Variants in ADGRG4 observed in about 807,000 individuals in gnomAD.
ADGRG4 encodes the protein G protein-coupled receptor 112.
Under a neutral mutation model 126.2 loss-of-function variants are expected in ADGRG4, and 122 were observed. The observed-to-expected ratio is 0.97, with a 90% CI of 0.83 to 1.12. The LOEUF (loss-of-function observed/expected upper bound fraction) is 1.12. Among genes scored for constraint, ADGRG4 ranks in the 50% most tolerant of loss-of-function variants. The pLI is 0.00. For missense variants in ADGRG4, 2,481 were observed against 2,251.8 expected (o/e 1.10, Z -2.06); for synonymous variants, 943 against 838.7 (o/e 1.12, Z -2.15).
intron 22 of ADGRG4, 78 bp from the exon 23 acceptor site, chrX:136,405,614 G>T: frequency 1.3e-6 from 1 of 798,606 alleles, no homozygotes; most frequent in South Asian, 3.3e-5. Context: ...AAATAAAATT[G>T]ACTAGATGAT....
chrX:136,372,155 T>A (rs1195406547), intron 14 of ADGRG4, among the ~76,000 whole-genome samples: 1 of 111,266 alleles, frequency 9.0e-6, no homozygotes, highest in East Asian at 2.8e-4. Context: ...GTTCCCTCAG[T>A]GTTCTTAATG....
intron 24 of ADGRG4, among the ~76,000 whole-genome samples, 171 bp from the exon 25 acceptor site, chrX:136,413,989 C>T (rs924645129): frequency 8.9e-6 from 1 of 111,803 alleles, no homozygotes; most frequent in African/African-American, 3.3e-5. Flanking sequence ...GATCCGCCCG[C>T]CTCGGCCTCC....
intron 19 of ADGRG4, among the ~76,000 whole-genome samples, chrX:136,397,087 C>A (rs1366870562): frequency 9.0e-6 from 1 of 111,416 alleles, no homozygotes; most frequent in African/African-American, 3.3e-5. Context: ...CCCCGCCCGG[C>A]CCCAAATAAT....
rs141825653 is a variant in ADGRG4 at position 136,339,375 on chromosome X, T to C, written c.686-5017T>C. ...GGCAAAAACAATAGTCTTCCCAGAC[T>C]GGGTTATGTTCAACCAGTGTTTTTT... On this transcript the variant is annotated intron_variant, in intron 5 of 25. Coordinates refer to ENST00000394143, the MANE Select transcript of ADGRG4 (RefSeq NM_153834.4). Among the ~76,000 whole-genome samples, 16 of 112,148 alleles carry C rather than the reference T, an allele frequency of 1.4e-4. No individual in the cohort carries two copies. In the East Asian group the frequency reaches 3.7e-3, roughly 26 times the overall value.
At chrX:136,334,803 T>C (rs999479487) in intron 5 of ADGRG4, among the ~76,000 whole-genome samples, 1 of 112,158 alleles carries the variant, frequency 8.9e-6, no homozygotes, top group Non-Finnish European at 1.9e-5. Flanking sequence ...ATTTATAAGT[T>C]CTGGTAGATT....
intron 5 of ADGRG4, among the ~76,000 whole-genome samples, chrX:136,343,035 C>T (rs1412213224): frequency 9.2e-6 from 1 of 108,684 alleles, no homozygotes; most frequent in Non-Finnish European, 1.9e-5. Flanking sequence ...AGTTGGGAGG[C>T]TACTGCAGTA....
chrX:136,360,430 G>A (rs2075121081), intron 11 of ADGRG4, among the ~76,000 whole-genome samples: 2 of 111,184 alleles, frequency 1.8e-5, no homozygotes, highest in Admixed American at 1.9e-4. Flanking sequence ...AGTTTGCCCT[G>A]TCCCTCAGCA....
chrX:136,386,151 G>C (rs1246090199), intron 15 of ADGRG4, among the ~76,000 whole-genome samples: 1 of 112,709 alleles, frequency 8.9e-6, no homozygotes, highest in Admixed American at 9.4e-5. Context: ...TCCAGAAACT[G>C]TCTGCTTTTG....
Position 136,401,874 on chromosome X carries a change from CT to C in ADGRG4, c.8576-1369del, listed in dbSNP as rs778064670. 8.0e-5 allele frequency among the ~76,000 whole-genome samples: 9 copies of C among 112,128 alleles called. No homozygotes were observed. In the East Asian group the frequency reaches 2.5e-3, roughly 32 times the overall value. Reference sequence around the variant, plus strand: ...TGATGAGAAGCTGTCTCCTGACAGCCTCCTGGAGGAGATAGGGAGGTGAGTA... The same window carrying C: ...TGATGAGAAGCTGTCTCCTGACAGCCCCTGGAGGAGATAGGGAGGTGAGTA... On this transcript the variant is annotated intron_variant, in intron 21 of 25. Transcript: ENST00000394143.
intron 15 of ADGRG4, among the ~76,000 whole-genome samples, chrX:136,374,375 A>G (rs1041901345): frequency 5.1e-4 from 57 of 111,206 alleles, no homozygotes; most frequent in African/African-American, 1.8e-3. Context: ...TATGTCTTGG[A>G]TAAATACCTA....
At chrX:136,353,238 T>C in intron 7 of ADGRG4, 99 bp from the exon 8 acceptor site, 1 of 566,258 alleles carries the variant, frequency 1.8e-6, no homozygotes, top group African/African-American at 2.3e-5. Flanking sequence ...CCAGCTGAAA[T>C]AATGAGTGCA....
chrX:136,410,748 G>T lies in ADGRG4; in HGVS notation c.8936-1517G>T, dbSNP rs144636281. On this transcript the variant is annotated intron_variant, in intron 23 of 25. Transcript: ENST00000394143. ...CCGCACTTAGTGTATCAAAGACAAA[G>T]GGCAAAATGACATAAATATGAAAAG... is the stretch of plus-strand genomic sequence containing the variant. Among the ~76,000 whole-genome samples the T allele has an allele frequency of 9.9e-3, 1,104 of 111,557 alleles. 11 individuals are homozygous for T. Among genetic ancestry groups the T allele is most frequent in the African/African-American group, 0.034 (1,044 of 30,689 alleles).
intron 8 of ADGRG4, among the ~76,000 whole-genome samples, chrX:136,355,777 G>A (rs1435337804): frequency 8.9e-6 from 1 of 111,860 alleles, no homozygotes; most frequent in East Asian, 2.8e-4. Flanking sequence ...TTTAATAATT[G>A]TACAGGATTC....
chrX:136,354,712 G>A (rs762838392), intron 8 of ADGRG4, among the ~76,000 whole-genome samples: 89 of 111,736 alleles, frequency 8.0e-4, no homozygotes, highest in African/African-American at 2.2e-3. Flanking sequence ...TGGGGTTCCC[G>A]TGACCCACTC....
chrX:136,335,975 T>TC (rs1428638477), intron 5 of ADGRG4, among the ~76,000 whole-genome samples: 2 of 111,600 alleles, frequency 1.8e-5, no homozygotes, highest in African/African-American at 3.3e-5. Flanking sequence ...AGATATTTCC[T>TC]CTTTTTAAAT....
In ADGRG4 at chrX:136,323,020, G is replaced by A. The variant is rs757361583; in HGVS notation, c.313G>A (p.Gly105Arg). The A allele has an allele frequency of 8.3e-7, 1 of 1,211,613 alleles. No individual in the cohort carries two copies. The highest frequency in any genetic ancestry group is 3.0e-5 in the East Asian group (1 of 33,840). The stretch of plus-strand genomic sequence containing the variant: ...TCAGCAGCTAATACTATACAGATTG[G>A]GAAAGACCTTTTCTATCCGTCACCA... ...DHQQLILYRL[G>R]KTFSIRHHLA... is the part of the protein sequence containing the mutation. Residue 105 changes from glycine to arginine, a missense_variant, in exon 5 of 26, where the codon GGA becomes AGA. Physicochemically the swap from Gly to Arg is moderately radical, Grantham distance 125 (BLOSUM62 -2). Coordinates refer to ENST00000394143, the MANE Select transcript of ADGRG4 (RefSeq NM_153834.4).
intron 20 of ADGRG4, among the ~76,000 whole-genome samples, chrX:136,398,490 T>G (rs2148496038): frequency 8.9e-6 from 1 of 112,319 alleles, no homozygotes; most frequent in South Asian, 3.7e-4. Context: ...TGCCTAAGCC[T>G]AACCCTTACC....
At position 136,345,838 on chromosome X, in the gene ADGRG4, G is replaced by A. The variant is rs140408185; in HGVS notation, c.2132G>A (p.Gly711Asp). The part of the protein sequence containing the change: ...NITPLKASPE[G>D]KGTTANDATT... ...ACCCCACTGAAAGCATCTCCAGAGG[G>A]CAAAGGTACCACTGCCAATGATGCT... Residue 711 changes from glycine (G) to aspartate (D), a missense_variant, in exon 6 of 26, where the codon GGC becomes GAC. Coordinates refer to ENST00000394143, the MANE Select transcript of ADGRG4 (RefSeq NM_153834.4). 2.9e-5 allele frequency: 35 copies of A among 1,209,246 alleles called. No individual in the cohort carries two copies. Among genetic ancestry groups the A allele is most frequent in the Non-Finnish European group, 3.8e-5 (34 of 894,646 alleles).
chrX:136,310,326 G>A (rs192108675), intron 4 of ADGRG4, among the ~76,000 whole-genome samples: 5 of 110,008 alleles, frequency 4.5e-5, no homozygotes, highest in Admixed American at 9.8e-5. Context: ...TTTTATAATG[G>A]TCAGTGAAAA....
Sources: gnomAD v4.1 joint callset for allele counts (sites outside exome capture counted in the v4.1 genomes callset) on GRCh38, gnomAD v4.1.1 for gene constraint, MANE v1.5 for transcripts, NCBI Gene and HGNC (gene_info 2026-07-23, HGNC 2026-07-21) for gene names.